The following NKAIN2 variants were observed in gnomAD, a reference collection of about 807,000 sequenced individuals.
The protein encoded by NKAIN2 is sodium/potassium transporting ATPase interacting 2, also known as sodium/potassium-transporting ATPase subunit beta-1-interacting protein 2.
A neutral mutation model predicts 32.6 loss-of-function variants in NKAIN2; 14 were observed. The ratio of observed to expected loss-of-function variants is 0.43; its 90% CI spans 0.28 to 0.67. The LOEUF (loss-of-function observed/expected upper bound fraction) is 0.67. NKAIN2 is among the 30% of genes least tolerant of loss of function. The pLI, the probability that NKAIN2 is intolerant of heterozygous loss-of-function variation, is 0.17. For synonymous variants in NKAIN2, 80 were observed against 87.2 expected (o/e 0.92, Z 0.46); for missense variants, 198 against 258.3 (o/e 0.77, Z 1.60).
At position 124,752,503 on chromosome 6, in the gene NKAIN2, T is replaced by C. The variant is rs986345357; in HGVS notation, c.475-38836T>C. On this transcript the variant is annotated intron_variant, in intron 4 of 6. Coordinates refer to ENST00000368417, the MANE Select transcript of NKAIN2 (RefSeq NM_001040214.3). The stretch of plus-strand genomic sequence containing the variant: ...TTTGTTATTTCCTCTATTCTGAACA[T>C]GATCAAACTTTCTGGTTATCAAAAT... Among the ~76,000 whole-genome samples the C allele has an allele frequency of 2.7e-4, 41 of 152,060 alleles. 1 individual carries two copies. The highest frequency in any genetic ancestry group is 8.8e-5 in the Non-Finnish European group (6 of 67,980).
intron 4 of NKAIN2, among the ~76,000 whole-genome samples, chr6:124,725,262 TG>T (rs1383921170): frequency 6.6e-6 from 1 of 152,110 alleles, no homozygotes; most frequent in Non-Finnish European, 1.5e-5. Flanking sequence ...TTTTTTGAAA[TG>T]GGGTCTCATT....
intron 1 of NKAIN2, among the ~76,000 whole-genome samples, chr6:124,075,335 A>T (rs2114891489): frequency 6.6e-6 from 1 of 152,302 alleles, no homozygotes; most frequent in Admixed American, 6.5e-5. Flanking sequence ...CTTATTTGGT[A>T]ACATTGATTA....
chr6:124,769,694 G>A (rs1407894166), intron 4 of NKAIN2, among the ~76,000 whole-genome samples: 1 of 152,098 alleles, frequency 6.6e-6, no homozygotes, highest in Non-Finnish European at 1.5e-5. Context: ...CACATCAGTC[G>A]GTAAAGGAAT....
At chr6:123,847,089 T>G (rs1253653734) in intron 1 of NKAIN2, among the ~76,000 whole-genome samples, 1 of 152,234 alleles carries the variant, frequency 6.6e-6, no homozygotes, top group East Asian at 1.9e-4. Flanking sequence ...TGCTTTTATC[T>G]CTTCCTAAAT....
intron 4 of NKAIN2, among the ~76,000 whole-genome samples, chr6:124,692,030 C>A (rs556951003): frequency 6.6e-6 from 1 of 152,004 alleles, no homozygotes; most frequent in East Asian, 1.9e-4. Flanking sequence ...ATGCGATATT[C>A]GAATAAAACT....
In NKAIN2 at chr6:123,957,444, C is replaced by T. The variant is rs558751908; in HGVS notation, c.54+153190C>T. Reference sequence around the variant, plus strand: ...TTAAATAAAATATATTCGTTGAATACATGAATGCAATTAAATGGTGTATGT... The same window carrying T: ...TTAAATAAAATATATTCGTTGAATATATGAATGCAATTAAATGGTGTATGT... On this transcript the variant is annotated intron_variant, in intron 1 of 6. Coordinates refer to ENST00000368417, the MANE Select transcript of NKAIN2 (RefSeq NM_001040214.3). Among the ~76,000 whole-genome samples the T allele has an allele frequency of 1.3e-3, 202 of 152,202 alleles. 1 individual carries two copies. Among genetic ancestry groups the T allele is most frequent in the African/African-American group, 4.7e-3 (195 of 41,546 alleles).
chr6:124,635,923 G>T (rs1783756598), intron 3 of NKAIN2, among the ~76,000 whole-genome samples: 1 of 151,930 alleles, frequency 6.6e-6, no homozygotes, highest in Non-Finnish European at 1.5e-5. Flanking sequence ...GACTTGAACT[G>T]CACTATACAG....
intron 1 of NKAIN2, among the ~76,000 whole-genome samples, chr6:124,274,558 A>G (rs546909265): frequency 1.6e-4 from 25 of 152,246 alleles, no homozygotes; most frequent in African/African-American, 5.8e-4. Flanking sequence ...GGAAGTTAAA[A>G]TAACAGCTCT....
At chr6:124,435,391 A>T (rs778546788) in intron 3 of NKAIN2, among the ~76,000 whole-genome samples, 20 of 152,306 alleles carry the variant, frequency 1.3e-4, no homozygotes, top group Non-Finnish European at 2.6e-4. Context: ...ATTACGGTTG[A>T]TGAGTATTCT....
intron 1 of NKAIN2, among the ~76,000 whole-genome samples, chr6:124,098,729 G>A (rs560126048): frequency 2.6e-5 from 4 of 152,136 alleles, no homozygotes; most frequent in African/African-American, 9.6e-5. Context: ...AATGAGCCAG[G>A]AGTGGTGGCA....
chr6:124,045,378 C>T (rs1782069555), intron 1 of NKAIN2, among the ~76,000 whole-genome samples: 1 of 151,788 alleles, frequency 6.6e-6, no homozygotes, highest in Admixed American at 6.6e-5. Context: ...GTCCTCTTGC[C>T]ATGGAAAAAT....
chr6:124,636,314 G>T (rs1461830394), intron 3 of NKAIN2, among the ~76,000 whole-genome samples: 4 of 151,886 alleles, frequency 2.6e-5, no homozygotes, highest in Non-Finnish European at 4.4e-5. Context: ...GCAATAAATG[G>T]CTATCTCAAA....
At chr6:124,361,384 C>T (rs1249297504) in intron 3 of NKAIN2, among the ~76,000 whole-genome samples, 2 of 151,964 alleles carry the variant, frequency 1.3e-5, no homozygotes, top group African/African-American at 4.8e-5. Context: ...ATGTATGGGG[C>T]ACCATTAGTG....
At chr6:124,524,152 G>A (rs552502613) in intron 3 of NKAIN2, among the ~76,000 whole-genome samples, 5 of 152,144 alleles carry the variant, frequency 3.3e-5, no homozygotes, top group Non-Finnish European at 5.9e-5. Context: ...AAGATCAACA[G>A]GCATTAGTTA....
chr6:124,353,550 C>T (rs1445155560), intron 2 of NKAIN2, among the ~76,000 whole-genome samples: 1 of 152,020 alleles, frequency 6.6e-6, no homozygotes, highest in Non-Finnish European at 1.5e-5. Context: ...GTCAGGAGAT[C>T]GAGACCATCC....
At chr6:124,598,317 C>T (rs1245113759) in intron 3 of NKAIN2, among the ~76,000 whole-genome samples, 1 of 152,078 alleles carries the variant, frequency 6.6e-6, no homozygotes, top group Admixed American at 6.6e-5. Context: ...TTGGTTTTAT[C>T]ATGATCCATA....
intron 3 of NKAIN2, among the ~76,000 whole-genome samples, chr6:124,359,648 C>G (rs1170882194): frequency 1.3e-5 from 2 of 152,098 alleles, no homozygotes; most frequent in African/African-American, 2.4e-5. Context: ...GCTGAAGTTG[C>G]CTATCAGCTT....
chr6:124,153,592 C>T lies in NKAIN2; in HGVS notation c.55-129413C>T, dbSNP rs982387624. On this transcript the variant is annotated intron_variant, in intron 1 of 6. Transcript: ENST00000368417. ...TTGTAGTCTTGCACATATTCCATTA[C>T]CCTTTTTCCCCAAATATGTGACATT... is the stretch of plus-strand genomic sequence containing the variant. 1.2e-4 allele frequency among the ~76,000 whole-genome samples: 18 copies of T among 151,734 alleles called. No homozygotes were observed. The East Asian group carries it at 2.9e-3, about 24-fold the overall frequency.
intron 1 of NKAIN2, among the ~76,000 whole-genome samples, chr6:124,184,555 A>T (rs915930625): frequency 1.3e-5 from 2 of 152,116 alleles, no homozygotes; most frequent in African/African-American, 4.8e-5. Context: ...AGTATCCCTC[A>T]CTATCTGTAC....
Sources: gnomAD v4.1 joint callset for allele counts (sites outside exome capture counted in the v4.1 genomes callset) on GRCh38, gnomAD v4.1.1 for gene constraint, MANE v1.5 for transcripts, NCBI Gene and HGNC (gene_info 2026-07-23, HGNC 2026-07-21) for gene names.